The following CFAP57 variants were observed in gnomAD, a reference collection of about 807,000 sequenced individuals.
The protein encoded by CFAP57 is cilia and flagella associated protein 57.
A neutral mutation model predicts 146.8 loss-of-function variants in CFAP57; 116 were observed. The observed-to-expected ratio is 0.79, with a 90% CI of 0.68 to 0.92. The LOEUF is 0.92. CFAP57 is among the 40% of genes least tolerant of loss of function. CFAP57 has a pLI of 0.00. For missense variants in CFAP57, 1,377 were observed against 1,527.2 expected, an observed-to-expected ratio of 0.90 and a Z score of 1.64; for synonymous variants, 518 against 552.8, an observed-to-expected ratio of 0.94 and a Z score of 0.88.
Position 43,184,883 on chromosome 1 carries a change from T to A in CFAP57, c.762-266T>A, listed in dbSNP as rs1569871365. 9.4e-6 allele frequency: 4 copies of A among 424,150 alleles called. No individual in the cohort carries two copies. In the East Asian group the frequency reaches 2.0e-4, roughly 21 times the overall value. 26.3% of individuals were successfully genotyped at this position (424,150 alleles called of 1,614,324 possible). On this transcript the variant is annotated intron_variant, in intron 4 of 22. Coordinates refer to ENST00000372492, the MANE Select transcript of CFAP57 (RefSeq NM_001378189.1). ...CAGAACAAAGCCCAGACTTCTTGGTTTGGCCCAAGCATACCTGCGACTGTT... is the reference window on the plus strand; with the variant it reads ...CAGAACAAAGCCCAGACTTCTTGGTATGGCCCAAGCATACCTGCGACTGTT...
At chr1:43,217,934 A>G (rs1382060688) in intron 12 of CFAP57, among the ~76,000 whole-genome samples, 1 of 152,002 alleles carries the variant, frequency 6.6e-6, no homozygotes, top group Non-Finnish European at 1.5e-5. Context: ...CTTCCTATAC[A>G]TCCAACCTGT....
chr1:43,211,575 C>CAG (rs1644614569), intron 11 of CFAP57: 1 of 130,570 alleles, frequency 7.7e-6, no homozygotes, highest in Non-Finnish European at 1.6e-5. Flanking sequence ...ATTCTGTCTC[C>CAG]AAAAAAAAAA....
intron 22 of CFAP57, among the ~76,000 whole-genome samples, chr1:43,253,155 A>C (rs1369979248): frequency 1.3e-5 from 2 of 152,300 alleles, no homozygotes; most frequent in African/African-American, 4.8e-5. Flanking sequence ...TGTTGGGAAG[A>C]TGGAGGAAGA....
rs192225449 is a variant in CFAP57 at position 43,223,607 on chromosome 1, C to G, written c.2707-439C>G. Among the ~76,000 whole-genome samples, 4 of 152,338 alleles carry G rather than the reference C, an allele frequency of 2.6e-5. No homozygotes were observed. In the East Asian group the frequency reaches 7.7e-4, roughly 29 times the overall value. On this transcript the variant is annotated intron_variant, in intron 16 of 22. Transcript: ENST00000372492. ...TGAAGTTTCTTCCTATTAGAAAGCACACTAGTAAATCCAGGGAACAATCAG... is the reference window on the plus strand; with the variant it reads ...TGAAGTTTCTTCCTATTAGAAAGCAGACTAGTAAATCCAGGGAACAATCAG...
chr1:43,214,215 A>AT (rs1644746967), intron 11 of CFAP57, among the ~76,000 whole-genome samples: 1 of 151,752 alleles, frequency 6.6e-6, no homozygotes, highest in African/African-American at 2.4e-5. Flanking sequence ...AGATTTTTAG[A>AT]TTTTTTTGTT....
chr1:43,230,561 C>G (rs934947055), intron 18 of CFAP57, among the ~76,000 whole-genome samples: 1 of 152,168 alleles, frequency 6.6e-6, no homozygotes, highest in African/African-American at 2.4e-5. Flanking sequence ...TCTTCAAATC[C>G]CTGCTCCTGC....
chr1:43,210,202 C>T, intron 11 of CFAP57: 1 of 1,525,818 alleles, frequency 6.6e-7, no homozygotes. Context: ...GCCGTAGCTG[C>T]CGTGAGTGTG....
chr1:43,232,277 C>A, intron 18 of CFAP57: 1 of 588,448 alleles, frequency 1.7e-6, no homozygotes, highest in Non-Finnish European at 3.0e-6. Context: ...GAAAACTTCC[C>A]AGCCTGGCCG....
chr1:43,215,739 A>G (rs1415405626), intron 12 of CFAP57, among the ~76,000 whole-genome samples: 1 of 152,260 alleles, frequency 6.6e-6, no homozygotes, highest in Admixed American at 6.5e-5. Context: ...AACAGTTCCT[A>G]GCACATGCTG....
intron 2 of CFAP57, among the ~76,000 whole-genome samples, chr1:43,179,481 G>T (rs1645303418): frequency 6.6e-6 from 1 of 152,152 alleles, no homozygotes; most frequent in South Asian, 2.1e-4. Flanking sequence ...TGCCCTCCAG[G>T]AGCTCTCAGT....
chr1:43,173,478 T>C (rs1217074110), intron 2 of CFAP57, among the ~76,000 whole-genome samples: 1 of 152,212 alleles, frequency 6.6e-6, no homozygotes, highest in Admixed American at 6.5e-5. Context: ...CCTACATATA[T>C]GTCATATTTA....
At chr1:43,188,588 T>A (rs979836260) in intron 6 of CFAP57, among the ~76,000 whole-genome samples, 3 of 152,188 alleles carry the variant, frequency 2.0e-5, no homozygotes, top group African/African-American at 4.8e-5. Flanking sequence ...CTATTCAGAT[T>A]TTTTGCCCAT....
At chr1:43,190,236 C>T (rs1466498245) in intron 6 of CFAP57, among the ~76,000 whole-genome samples, 1 of 147,412 alleles carries the variant, frequency 6.8e-6, no homozygotes, top group Non-Finnish European at 1.5e-5. Context: ...TTGTCTTGTT[C>T]CTAATCTTAG....
In CFAP57 at chr1:43,176,671, G is replaced by A. The variant is rs1458454435; in HGVS notation, c.157+3761G>A. The stretch of plus-strand genomic sequence containing the variant: ...AGTGCTTCCATTCTAAGAGGGGAGA[G>A]TGACAAACAAAATAAAAAGAAGTAC... On this transcript the variant is annotated intron_variant, in intron 2 of 22. Coordinates refer to ENST00000372492, the MANE Select transcript of CFAP57 (RefSeq NM_001378189.1). Among the ~76,000 whole-genome samples, 5 of 152,150 alleles carry A rather than the reference G, an allele frequency of 3.3e-5. No individual in the cohort carries two copies. In the East Asian group the frequency reaches 9.6e-4, roughly 29 times the overall value.
rs142264472 is a variant in CFAP57 at position 43,241,814 on chromosome 1, G to A, written c.3406-1413G>A. ...GTGATGTATTTGTATGGTCATACAC[G>A]AGGAACTGCTGTAGACAAGCTGACT... On this transcript the variant is annotated intron_variant, in intron 21 of 22. Coordinates refer to ENST00000372492, the MANE Select transcript of CFAP57 (RefSeq NM_001378189.1). Among the ~76,000 whole-genome samples, 397 of 152,264 alleles carry A rather than the reference G, an allele frequency of 2.6e-3. 2 individuals carry two copies. Among genetic ancestry groups the A allele is most frequent in the South Asian group, 0.014 (69 of 4,822 alleles).
intron 21 of CFAP57, among the ~76,000 whole-genome samples, chr1:43,239,473 A>T (rs892288061): frequency 1.3e-5 from 2 of 152,152 alleles, no homozygotes; most frequent in Admixed American, 1.3e-4. Context: ...GGGAGAAGCC[A>T]GGGCAGGGCT....
chr1:43,243,233 G>A lies in CFAP57; in HGVS notation c.3412G>A (p.Val1138Ile). ...TCTTCCCCCTTTTCTGCAGGAAAAT[G>A]TCTCTCTGATCAAGGAAATTAATGA... ...TDYVRIMQEN[V>I]SLIKEINELR... Residue 1138 changes from valine (V) to isoleucine (I), a missense_variant, in exon 22 of 23, where the codon GTC (valine) becomes ATC (isoleucine). Coordinates refer to ENST00000372492, the MANE Select transcript of CFAP57 (RefSeq NM_001378189.1). The A allele has an allele frequency of 3.9e-6, 6 of 1,549,884 alleles. No homozygotes were observed. Among genetic ancestry groups the A allele is most frequent in the Non-Finnish European group, 5.2e-6 (6 of 1,146,668 alleles).
At chr1:43,173,125 A>G (rs554775033) in intron 2 of CFAP57, among the ~76,000 whole-genome samples, 1 of 152,236 alleles carries the variant, frequency 6.6e-6, no homozygotes, top group Non-Finnish European at 1.5e-5. Flanking sequence ...GTTAATTTAA[A>G]AGTACTTTTT....
intron 18 of CFAP57, among the ~76,000 whole-genome samples, chr1:43,228,105 G>T (rs945075402): frequency 6.6e-6 from 1 of 152,202 alleles, no homozygotes; most frequent in Middle Eastern, 3.4e-3. Context: ...TCCCCAGTGG[G>T]GTCCCATCCC....
Sources: allele counts gnomAD v4.1 joint callset (sites outside exome capture counted in the v4.1 genomes callset), GRCh38; gene constraint gnomAD v4.1.1; transcripts MANE v1.5; gene names NCBI Gene and HGNC (gene_info 2026-07-23, HGNC 2026-07-21).